The following CNTN5 variants were observed in gnomAD, a reference collection of about 807,000 sequenced individuals.
CNTN5 encodes contactin 5.
A neutral mutation model predicts 129.1 loss-of-function variants in CNTN5; 77 were observed. The observed-to-expected ratio is 0.60, with a 90% CI of 0.50 to 0.72. The LOEUF (loss-of-function observed/expected upper bound fraction) is 0.72, where lower values mean the gene tolerates loss of function less well. CNTN5 is among the 30% of genes least tolerant of loss of function. CNTN5 has a pLI of 0.00. For missense variants in CNTN5, 1,478 were observed against 1,328.8 expected (o/e 1.11, Z -1.75); for synonymous variants, 509 against 465.6 (o/e 1.09, Z -1.20).
intron 3 of CNTN5, among the ~76,000 whole-genome samples, chr11:99,811,080 T>G (rs1294982798): frequency 6.6e-6 from 1 of 152,124 alleles, no homozygotes; most frequent in Non-Finnish European, 1.5e-5. Context: ...ATACATGATT[T>G]ATATGAATAT....
At chr11:99,947,345 GTTT>G (rs5794030) in intron 7 of CNTN5, among the ~76,000 whole-genome samples, 1 of 145,622 alleles carries the variant, frequency 6.9e-6, no homozygotes. Context: ...TTATGATTAG[GTTT>G]TTTTTTTTTT....
intron 3 of CNTN5, among the ~76,000 whole-genome samples, chr11:99,784,821 A>G (rs780495814): frequency 1.0e-3 from 85 of 80,986 alleles, no homozygotes; most frequent in Non-Finnish European, 1.5e-3. Context: ...TTTTTTTGAG[A>G]TGGGGTCTTG....
chr11:100,204,938 A>G (rs2138567017), intron 15 of CNTN5, among the ~76,000 whole-genome samples: 1 of 152,122 alleles, frequency 6.6e-6, no homozygotes, highest in African/African-American at 2.4e-5. Flanking sequence ...AAGGCCCTGA[A>G]TACTGGAATT....
chr11:99,623,839 C>T (rs1265263035), intron 3 of CNTN5, among the ~76,000 whole-genome samples: 7 of 151,500 alleles, frequency 4.6e-5, no homozygotes, highest in African/African-American at 7.3e-5. Flanking sequence ...TATTGGGGTG[C>T]GTAGTAACCT....
chr11:99,261,431 T>C (rs1862622465), intron 1 of CNTN5, among the ~76,000 whole-genome samples: 1 of 152,074 alleles, frequency 6.6e-6, no homozygotes, highest in Non-Finnish European at 1.5e-5. Context: ...ATCTCCTATA[T>C]ACATAAGAGC....
intron 1 of CNTN5, among the ~76,000 whole-genome samples, chr11:99,090,799 G>C (rs531568398): frequency 1.6e-3 from 245 of 151,330 alleles, no homozygotes; most frequent in Non-Finnish European, 2.6e-3. Context: ...GAGGCGGGCG[G>C]ATCACGAGGT....
rs144479346 is a variant in CNTN5 at position 100,053,257 on chromosome 11, C to T, written c.981-7955C>T. On this transcript the variant is annotated intron_variant, in intron 9 of 24. Transcript: ENST00000524871. The stretch of plus-strand genomic sequence containing the variant: ...AACAATAAGATTAAAAGAACTTCAT[C>T]AAAATTAAAACCTGCTTTTGTCAAA... Among the ~76,000 whole-genome samples, 554 of 151,618 alleles carry T rather than the reference C, an allele frequency of 3.7e-3. 2 individuals carry two copies. Among genetic ancestry groups the T allele is most frequent in the Middle Eastern group, 0.01 (3 of 292 alleles).
At chr11:100,198,038 T>C (rs1046728470) in intron 15 of CNTN5, among the ~76,000 whole-genome samples, 23 of 151,886 alleles carry the variant, frequency 1.5e-4, no homozygotes, top group African/African-American at 5.6e-4. Context: ...TAAATTGGGG[T>C]AATAAGATTC....
intron 4 of CNTN5, among the ~76,000 whole-genome samples, chr11:99,833,820 T>TTGTCTCC (rs1047567755): frequency 6.6e-6 from 1 of 152,162 alleles, no homozygotes. Context: ...TAGGCAGCCA[T>TTGTCTCC]TGTCTCCTGT....
intron 3 of CNTN5, among the ~76,000 whole-genome samples, chr11:99,558,509 G>T (rs545487589): frequency 6.6e-6 from 1 of 151,900 alleles, no homozygotes; most frequent in African/African-American, 2.4e-5. Flanking sequence ...AAAGAAAGAA[G>T]GTGGTGTTCT....
chr11:99,150,578 G>A (rs1335835795), intron 1 of CNTN5, among the ~76,000 whole-genome samples: 1 of 151,810 alleles, frequency 6.6e-6, no homozygotes, highest in East Asian at 1.9e-4. Flanking sequence ...TCAAGAATTT[G>A]TATCACATCT....
intron 1 of CNTN5, among the ~76,000 whole-genome samples, chr11:99,038,006 A>G (rs1018163612): frequency 2.0e-5 from 3 of 152,214 alleles, no homozygotes; most frequent in Middle Eastern, 3.2e-3. Context: ...TTATTAATTT[A>G]GAGCATAATT....
chr11:100,271,327 C>A lies in CNTN5; in HGVS notation c.2314+86C>A, dbSNP rs1591458906. The A allele has an allele frequency of 5.7e-5, 51 of 892,872 alleles. No homozygotes were observed. In the East Asian group the frequency reaches 1.5e-3, roughly 26 times the overall value. 55.3% of individuals were successfully genotyped at this position (892,872 alleles called of 1,614,324 possible). The stretch of plus-strand genomic sequence containing the variant: ...TGAATTAACCATGATTGCTCCATTG[C>A]TTGCTTTAGCATAATTTGTCCTGAT... On this transcript the variant is annotated intron_variant, in intron 18 of 24. Transcript: ENST00000524871.
At chr11:99,152,900 A>G (rs183162296) in intron 1 of CNTN5, among the ~76,000 whole-genome samples, 106 of 152,278 alleles carry the variant, frequency 7.0e-4, no homozygotes, top group Non-Finnish European at 2.4e-4. Context: ...TTTGCTTATG[A>G]AGCTTAGTAT....
Position 99,502,255 on chromosome 11 carries a change from A to G in CNTN5, c.-70-53890A>G, listed in dbSNP as rs138617490. Among the ~76,000 whole-genome samples the G allele has an allele frequency of 1.2e-4, 18 of 152,314 alleles. No individual in the cohort carries two copies. In the East Asian group the frequency reaches 3.5e-3, roughly 29 times the overall value. On this transcript the variant is annotated intron_variant, in intron 2 of 24. Coordinates refer to ENST00000524871, the MANE Select transcript of CNTN5 (RefSeq NM_014361.4). ...CATTTTACCTCATTTGTATTTATTTAGAACGATGCTTTTTCAAATATTTCA... is the reference window on the plus strand; with the variant it reads ...CATTTTACCTCATTTGTATTTATTTGGAACGATGCTTTTTCAAATATTTCA...
At chr11:99,088,665 G>C (rs1470483144) in intron 1 of CNTN5, among the ~76,000 whole-genome samples, 1 of 152,112 alleles carries the variant, frequency 6.6e-6, no homozygotes, top group South Asian at 2.1e-4. Flanking sequence ...TGTTATGTAA[G>C]ACCTGTACAT....
chr11:99,080,981 T>TTTTTG (rs1555037308), intron 1 of CNTN5, among the ~76,000 whole-genome samples: 2 of 46,166 alleles, frequency 4.3e-5, no homozygotes, highest in East Asian at 2.2e-3. Context: ...GAGAAATCAG[T>TTTTTG]TTTTTTTTTT....
intron 1 of CNTN5, among the ~76,000 whole-genome samples, chr11:99,257,932 G>T (rs775171323): frequency 6.6e-6 from 1 of 151,820 alleles, no homozygotes; most frequent in Non-Finnish European, 1.5e-5. Context: ...CCTATTTTAC[G>T]CTTAAGAGAC....
intron 9 of CNTN5, among the ~76,000 whole-genome samples, chr11:100,031,628 G>A (rs1207313043): frequency 1.3e-5 from 2 of 152,030 alleles, no homozygotes; most frequent in African/African-American, 4.8e-5. Context: ...TGGATTTTTT[G>A]TAACCAGCTT....
Sources: allele counts gnomAD v4.1 joint callset (sites outside exome capture counted in the v4.1 genomes callset), GRCh38; gene constraint gnomAD v4.1.1; transcripts MANE v1.5; gene names NCBI Gene and HGNC (gene_info 2026-07-23, HGNC 2026-07-21).